Variants in STARD13 observed in about 807,000 individuals in gnomAD.
STARD13 encodes the protein stAR-related lipid transfer protein 13.
STARD13 carries 62 observed loss-of-function variants against 106.4 expected under a neutral mutation model. The ratio of observed to expected loss-of-function variants is 0.58; its 90% confidence interval spans 0.48 to 0.72. STARD13 has a LOEUF of 0.72. Among genes scored for constraint, STARD13 ranks in the 30% least tolerant of loss-of-function variants. The pLI is 0.00. For missense variants in STARD13, 1,387 were observed against 1,424.0 expected (o/e 0.97, Z 0.42); for synonymous variants, 565 against 553.0 (o/e 1.02, Z -0.31).
intron 2 of STARD13, among the ~76,000 whole-genome samples, 178 bp downstream of exon 2, chr13:33,167,373 T>C (rs1341308009): frequency 6.6e-6 from 1 of 152,004 alleles, no homozygotes; most frequent in Non-Finnish European, 1.5e-5. Flanking sequence ...GGAAGTGATA[T>C]TCATTTCTAA....
At position 33,110,812 on chromosome 13, in the gene STARD13, C is replaced by G. The variant is rs574739926; in HGVS notation, c.2703G>C (p.Glu901Asp). 2.6e-5 allele frequency: 42 copies of G among 1,614,186 alleles called. No individual in the cohort carries two copies. The highest frequency in any genetic ancestry group is 3.4e-5 in the Non-Finnish European group (40 of 1,180,018). The change falls in exon 11 of 14, where the codon GAG becomes GAC. Residue 901 changes from glutamate to aspartate, a missense_variant. Glu to Asp is a conservative substitution (Grantham distance 45). Coordinates refer to ENST00000336934, the MANE Select transcript of STARD13 (RefSeq NM_178006.4). The part of the protein sequence containing the change: ...TLEELGTQLE[E>D]SGATFHTYLN... Reference sequence around the variant, plus strand: ...GGTAAGTGTGGAAAGTTGCCCCACTCTCCTCCAGCTGTGTCCCCAATTCTT... The same window carrying G: ...GGTAAGTGTGGAAAGTTGCCCCACTGTCCTCCAGCTGTGTCCCCAATTCTT...
chr13:33,491,901 T>C, the STARD13 span, among the ~76,000 whole-genome samples: 1 of 152,210 alleles, frequency 6.6e-6, no homozygotes, highest in Non-Finnish European at 1.5e-5. Flanking sequence ...AAACAGGCTT[T>C]ATGTGAGCAA....
the STARD13 span, among the ~76,000 whole-genome samples, chr13:33,659,330 C>T: frequency 4.0e-5 from 6 of 151,816 alleles, no homozygotes; most frequent in Non-Finnish European, 8.8e-5. Flanking sequence ...ACTCTCCTGC[C>T]TCAGCCTCCT....
the STARD13 span, among the ~76,000 whole-genome samples, chr13:33,486,356 G>A: frequency 6.6e-6 from 1 of 152,036 alleles, no homozygotes; most frequent in African/African-American, 2.4e-5. Flanking sequence ...CCGAAATTGT[G>A]CATAGTACCA....
the STARD13 span, among the ~76,000 whole-genome samples, chr13:33,393,454 G>A: frequency 6.6e-6 from 1 of 152,154 alleles, no homozygotes; most frequent in Non-Finnish European, 1.5e-5. Flanking sequence ...CAATCTTTTG[G>A]TACTTGGCAG....
At chr13:33,136,558 G>T (rs1593934059) in intron 4 of STARD13, among the ~76,000 whole-genome samples, 1 of 152,060 alleles carries the variant, frequency 6.6e-6, no homozygotes, top group South Asian at 2.1e-4. Flanking sequence ...TCCCTAATTG[G>T]TTTTTTACAC....
the STARD13 span, among the ~76,000 whole-genome samples, chr13:33,567,565 A>G: frequency 6.7e-6 from 1 of 148,208 alleles, no homozygotes; most frequent in Non-Finnish European, 1.5e-5. Context: ...ATATGGGCAA[A>G]AAGTTTTCCA....
the STARD13 span, among the ~76,000 whole-genome samples, chr13:33,393,708 A>C: frequency 6.6e-6 from 1 of 152,218 alleles, no homozygotes; most frequent in African/African-American, 2.4e-5. Flanking sequence ...CACTAAGCTA[A>C]AGGTTTCATA....
At chr13:33,298,122 T>C (rs1015405787) in intron 1 of STARD13, among the ~76,000 whole-genome samples, 2 of 4,420 alleles carry the variant, frequency 4.5e-4, no homozygotes, top group Non-Finnish European at 1.8e-3. Flanking sequence ...CCATCTACAG[T>C]TTTTTTTTTT....
the STARD13 span, among the ~76,000 whole-genome samples, chr13:33,409,705 G>C: frequency 2.0e-5 from 3 of 152,172 alleles, no homozygotes; most frequent in Non-Finnish European, 4.4e-5. Context: ...ACTTGGTTAT[G>C]GGCAGTGGAA....
chr13:33,592,082 A>G, the STARD13 span, among the ~76,000 whole-genome samples: 1 of 152,222 alleles, frequency 6.6e-6, no homozygotes, highest in Admixed American at 6.5e-5. Context: ...ACAATTTGTC[A>G]TTCATGCTGA....
At chr13:33,265,898 G>A (rs1382453736) in intron 1 of STARD13, among the ~76,000 whole-genome samples, 3 of 152,012 alleles carry the variant, frequency 2.0e-5, no homozygotes, top group African/African-American at 7.2e-5. Context: ...TGGGGAGTGG[G>A]GAGAGAACAT....
At chr13:33,345,018 A>G (rs1163341727), downstream of STARD13, among the ~76,000 whole-genome samples, 1 of 152,208 alleles carries the variant, frequency 6.6e-6, no homozygotes, top group Non-Finnish European at 1.5e-5. Flanking sequence ...GATGCCATAA[A>G]AGTTTAGAAT....
In STARD13 at chr13:33,111,858, C is replaced by A. The variant is rs1326830416; in HGVS notation, c.2527G>T (p.Asp843Tyr). 1.9e-6 allele frequency: 3 copies of A among 1,613,988 alleles called. No individual in the cohort carries two copies. The highest frequency in any genetic ancestry group is 1.3e-5 in the African/African-American group (1 of 74,910). ...IQKKYATGKP[D>Y]QKDLNENLAA... ...AGATTCTCGTTGAGGTCCTTTTGAT[C>A]TGGCTTCCCAGTGGCATATTTCTTC... Residue 843 changes from aspartate to tyrosine, a missense_variant, in exon 10 of 14, where the codon GAT (aspartate) becomes TAT (tyrosine). Coordinates refer to ENST00000336934, the MANE Select transcript of STARD13 (RefSeq NM_178006.4).
intron 1 of STARD13, among the ~76,000 whole-genome samples, chr13:33,331,080 TAG>T (rs2077830402): frequency 6.6e-6 from 1 of 152,314 alleles, no homozygotes; most frequent in South Asian, 2.1e-4. Context: ...GACTATCCAA[TAG>T]AGCACCAAAG....
the STARD13 span, among the ~76,000 whole-genome samples, chr13:33,454,458 A>T: frequency 2.6e-5 from 4 of 152,190 alleles, no homozygotes; most frequent in Admixed American, 6.5e-5. Flanking sequence ...ACATGAACTA[A>T]CATATTCATC....
chr13:33,311,917 G>C (rs1248137136), intron 1 of STARD13, among the ~76,000 whole-genome samples: 1 of 152,190 alleles, frequency 6.6e-6, no homozygotes, highest in Admixed American at 6.5e-5. Context: ...GTTAAAGCAG[G>C]GGGCAGAGAG....
the STARD13 span, among the ~76,000 whole-genome samples, chr13:33,415,878 T>C: frequency 2.0e-5 from 3 of 152,250 alleles, no homozygotes; most frequent in Non-Finnish European, 4.4e-5. Context: ...ATTAGAAAAG[T>C]GCATTAGCTC....
the STARD13 span, among the ~76,000 whole-genome samples, chr13:33,441,195 A>T: frequency 6.6e-6 from 1 of 152,014 alleles, no homozygotes; most frequent in African/African-American, 2.4e-5. Flanking sequence ...GCTTGAATCC[A>T]TCTGCTTCTT....
Sources: allele counts gnomAD v4.1 joint callset (sites outside exome capture counted in the v4.1 genomes callset), GRCh38; gene constraint gnomAD v4.1.1; transcripts MANE v1.5; gene names NCBI Gene and HGNC (gene_info 2026-07-23, HGNC 2026-07-21).